PSMD9: variants seen among roughly 807,000 people sequenced by gnomAD.
PSMD9 encodes the protein 26S proteasome non-ATPase regulatory subunit 9.
In PSMD9, 26 loss-of-function variants were observed where a neutral mutation model predicts 25.9. That is an observed-to-expected ratio of 1.00 (90% CI 0.73 to 1.39). PSMD9 has a LOEUF of 1.39. PSMD9 is among the 40% of genes most tolerant of loss of function. The pLI is 0.00. For missense variants in PSMD9, 303 were observed against 299.3 expected (o/e 1.01, Z -0.09); for synonymous variants, 110 against 114.5 (o/e 0.96, Z 0.25).
intron 1 of PSMD9, among the ~76,000 whole-genome samples, chr12:121,891,525 G>C (rs1351600809): frequency 1.3e-5 from 2 of 151,834 alleles, no homozygotes; most frequent in East Asian, 1.9e-4. Context: ...GCCTGAACCC[G>C]GGATGTGGAG....
intron 2 of PSMD9, among the ~76,000 whole-genome samples, chr12:121,895,408 G>A (rs578055690): frequency 1.3e-5 from 2 of 152,108 alleles, no homozygotes; most frequent in Non-Finnish European, 2.9e-5. Context: ...TTTAATTAAA[G>A]AGCTAGCAGA....
chr12:121,890,125 C>T (rs1592938003), intron 1 of PSMD9, among the ~76,000 whole-genome samples: 1 of 152,156 alleles, frequency 6.6e-6, no homozygotes, highest in East Asian at 1.9e-4. Context: ...CCATGTTGGT[C>T]AGGCCGGTGT....
chr12:121,894,687 C>G, intron 1 of PSMD9, 52 bp from the exon 2 acceptor site: 1 of 1,495,698 alleles, frequency 6.7e-7, no homozygotes, highest in East Asian at 2.3e-5. Flanking sequence ...GGAAAGACAT[C>G]CTGGGGACAT....
intron 4 of PSMD9, among the ~76,000 whole-genome samples, chr12:121,913,253 G>A (rs1489718913): frequency 1.4e-5 from 2 of 147,188 alleles, no homozygotes; most frequent in East Asian, 4.0e-4. Flanking sequence ...CTTTTTTTTT[G>A]TATTTTTAGT....
intron 4 of PSMD9, among the ~76,000 whole-genome samples, chr12:121,912,991 C>T (rs1294363751): frequency 1.4e-5 from 2 of 146,040 alleles, no homozygotes; most frequent in Non-Finnish European, 1.5e-5. Context: ...GGCTGGAGTG[C>T]AGTGGCACAA....
intron 4 of PSMD9, among the ~76,000 whole-genome samples, chr12:121,912,007 TTATTTATTTA>T (rs1222845963): frequency 1.2e-4 from 3 of 24,952 alleles, no homozygotes; most frequent in African/African-American, 4.6e-4. Flanking sequence ...ATGAGCTTGC[TTATTTATTTA>T]TTTATTTATT....
intron 5 of PSMD9, 29 bp from the exon 6 acceptor site, chr12:121,916,255 T>TA: frequency 1.2e-6 from 2 of 1,613,940 alleles, no homozygotes; most frequent in Non-Finnish European, 1.7e-6. Flanking sequence ...CCTCCAAACT[T>TA]ACGCCATTCC....
At chr12:121,890,899 C>T (rs189412937) in intron 1 of PSMD9, among the ~76,000 whole-genome samples, 62 of 152,076 alleles carry the variant, frequency 4.1e-4, no homozygotes, top group African/African-American at 1.4e-3. Flanking sequence ...TGGCTAGCTG[C>T]TGTTGCTTGC....
chr12:121,892,520 G>A (rs1879114518), intron 1 of PSMD9, among the ~76,000 whole-genome samples: 2 of 152,090 alleles, frequency 1.3e-5, no homozygotes, highest in African/African-American at 4.8e-5. Context: ...TTAACACGGT[G>A]AAACCCCGTC....
chr12:121,896,071 T>A (rs1372835653), intron 2 of PSMD9, among the ~76,000 whole-genome samples: 1 of 151,308 alleles, frequency 6.6e-6, no homozygotes, highest in East Asian at 1.9e-4. Flanking sequence ...AGTGGCACGA[T>A]CTTGGCTCAC....
rs1041731085 is a variant in PSMD9 at position 121,916,492 on chromosome 12, TA to T, written c.*186del. The T allele has an allele frequency of 1.4e-6, 1 of 731,212 alleles. No individual in the cohort carries two copies. The highest frequency in any genetic ancestry group is 1.8e-5 in the African/African-American group (1 of 56,558). The allele number at this position is 731,212 out of a possible 1,614,324, so 45.3% of individuals were successfully genotyped here. A position where few individuals can be genotyped will look rare whatever the true frequency, so the allele number is the denominator to read the frequency against. On this transcript the variant is annotated 3_prime_UTR_variant, in exon 6 of 6. Coordinates refer to ENST00000541212, the MANE Select transcript of PSMD9 (RefSeq NM_002813.7). ...TAATCTCCCTGGATTAAGGCATTCT[TA>T]AAAACTTAGGCTTGGCCTCTTTCAC...
chr12:121,896,991 G>GTATA (rs140368632), intron 2 of PSMD9, among the ~76,000 whole-genome samples: 44,467 of 151,744 alleles, frequency 0.29, 6,869 homozygotes, highest in East Asian at 0.54. Context: ...ACATACATGT[G>GTATA]TATGTAAAAT....
intron 1 of PSMD9, among the ~76,000 whole-genome samples, chr12:121,891,957 A>T (rs1246290043): frequency 3.3e-5 from 5 of 151,850 alleles, no homozygotes; most frequent in African/African-American, 1.2e-4. Context: ...AATCTCGTAT[A>T]ATAAAGCATA....
Position 121,905,027 on chromosome 12 carries a change from T to C in PSMD9, c.555+1920T>C, listed in dbSNP as rs199740288. On this transcript the variant is annotated intron_variant, in intron 4 of 5. Transcript: ENST00000541212. ...GGTTTTTAGTGTAGTCACAGAATTA[T>C]GCAGCCATCACAATTGTACATTTTC... Among the ~76,000 whole-genome samples, 4 of 151,814 alleles carry C rather than the reference T, an allele frequency of 2.6e-5. No individual in the cohort carries two copies. The East Asian group carries it at 7.7e-4, about 29-fold the overall frequency.
chr12:121,896,917 GT>G (rs1879247810), intron 2 of PSMD9, among the ~76,000 whole-genome samples: 1 of 151,528 alleles, frequency 6.6e-6, no homozygotes, highest in South Asian at 2.1e-4. Context: ...AATCTCCCGT[GT>G]TGTTAACAGC....
intron 4 of PSMD9, among the ~76,000 whole-genome samples, chr12:121,913,233 C>T (rs916801721): frequency 1.1e-4 from 16 of 151,768 alleles, no homozygotes; most frequent in Admixed American, 2.0e-4. Flanking sequence ...CGTGAGCCAC[C>T]GCGCCTGGCC....
chr12:121,912,329 C>T (rs546616244), intron 4 of PSMD9, among the ~76,000 whole-genome samples: 45 of 152,228 alleles, frequency 3.0e-4, no homozygotes, highest in African/African-American at 6.3e-4. Context: ...CCGTGCCCGG[C>T]GCTTTGTTTA....
intron 4 of PSMD9, among the ~76,000 whole-genome samples, chr12:121,911,498 T>G (rs113810917): frequency 0.02 from 3,004 of 152,270 alleles, 32 homozygotes; most frequent in Middle Eastern, 0.034. Flanking sequence ...TGCTTCCACC[T>G]TTTTGTTGTG....
At chr12:121,915,976 G>C in intron 5 of PSMD9, 32 bp downstream of exon 5, 1 of 1,591,570 alleles carries the variant, frequency 6.3e-7, no homozygotes, top group Non-Finnish European at 8.6e-7. Flanking sequence ...ATTCTCACTG[G>C]GGCATCATTT....
Sources: allele counts gnomAD v4.1 joint callset (sites outside exome capture counted in the v4.1 genomes callset), GRCh38; gene constraint gnomAD v4.1.1; transcripts MANE v1.5; gene names NCBI Gene and HGNC (gene_info 2026-07-23, HGNC 2026-07-21).